SLC7A3: variants seen among roughly 807,000 people sequenced by gnomAD.
The protein encoded by SLC7A3 is solute carrier family 7 member 3.
In SLC7A3, 3 loss-of-function variants were observed where a neutral mutation model predicts 33.2. That is an observed-to-expected ratio of 0.09 (90% CI 0.04 to 0.23). SLC7A3 has a LOEUF of 0.23. Ranked by LOEUF, SLC7A3 falls within the 10% of genes least tolerant of loss-of-function variation. SLC7A3 has a pLI of 1.00. For synonymous variants in SLC7A3, 193 were observed against 195.1 expected, an observed-to-expected ratio of 0.99 and a Z score of 0.09; for missense variants, 360 against 488.8, an observed-to-expected ratio of 0.74 and a Z score of 2.48.
chrX:70,930,078 A>G, intron 1 of SLC7A3, 56 bp from the exon 2 acceptor site: 1 of 1,087,914 alleles, frequency 9.2e-7, no homozygotes, highest in African/African-American at 1.8e-5. Context: ...CTAAACTCTG[A>G]AAGCGAATTA....
In SLC7A3 at chrX:70,928,815, C is replaced by G. The variant is rs1170984501; in HGVS notation, c.529+29G>C. ...GGACTAGCCCCTCCTGGCCCAACCC[C>G]CACCATTATACCCTGCTCTTTGCCT... On this transcript the variant is annotated intron_variant, in intron 3 of 11. Transcript: ENST00000374299. 4 of 1,205,123 alleles carry G rather than the reference C, an allele frequency of 3.3e-6. No homozygotes were observed. The African/African-American group carries it at 5.3e-5, about 16-fold the overall frequency.
At chrX:70,928,067 C>T (rs376983084) in intron 5 of SLC7A3, 47 bp from the exon 6 acceptor site, 2 of 1,184,548 alleles carry the variant, frequency 1.7e-6, no homozygotes, top group Non-Finnish European at 2.3e-6. Flanking sequence ...AGGCCCACTC[C>T]TCTACCACCC....
chrX:70,929,886 C>G lies in SLC7A3; in HGVS notation c.112G>C (p.Val38Leu). ...AATGTGCTGCCCACACCCAGGGCCACTAAATCCAGGGTGCTTAGGCATCTG... is the reference window on the plus strand; with the variant it reads ...AATGTGCTGCCCACACCCAGGGCCAGTAAATCCAGGGTGCTTAGGCATCTG... ...LARCLSTLDL[V>L]ALGVGSTLGA... The change falls in exon 2 of 12, where the codon GTG becomes CTG. Residue 38 changes from valine (V) to leucine (L), a missense_variant. Physicochemically the swap from Val to Leu is conservative, Grantham distance 32. Transcript: ENST00000374299. 8.3e-7 allele frequency: 1 copy of G among 1,212,023 alleles called. No homozygotes were observed. The highest frequency in any genetic ancestry group is 1.1e-6 in the Non-Finnish European group (1 of 895,541).
intron 10 of SLC7A3, 54 bp downstream of exon 10, chrX:70,926,473 G>A (rs1472406007): frequency 4.5e-6 from 5 of 1,115,758 alleles, no homozygotes; most frequent in South Asian, 2.1e-5. Flanking sequence ...CAAGATATCT[G>A]GAGCCTATTC....
intron 1 of SLC7A3, among the ~76,000 whole-genome samples, chrX:70,930,258 GCC>G (rs1444830115): frequency 8.9e-6 from 1 of 112,022 alleles, no homozygotes; most frequent in Non-Finnish European, 1.9e-5. Context: ...GCACGTGAAA[GCC>G]CCCTGAAGTA....
At position 70,927,383 on chromosome X, in the gene SLC7A3, T is replaced by C. The variant is rs146240155; in HGVS notation, c.1185A>G (p.Ala395=). 4 of 1,208,228 alleles carry C rather than the reference T, an allele frequency of 3.3e-6. No homozygotes were observed. In the African/African-American group the frequency reaches 7.0e-5, roughly 21 times the overall value. ...IATVVSGIIA[A]FMAFLFKLTD... ...TGAGTTTGAAGAGGAATGCCATGAA[T>C]GCTAAAATTAATAGGCAGGAAACAA... The change falls in exon 8 of 12, where the codon GCA becomes GCG. Residue 395 remains alanine (A), a splice_region_variant and synonymous_variant. Coordinates refer to ENST00000374299, the MANE Select transcript of SLC7A3 (RefSeq NM_032803.6).
rs766232079 is a variant in SLC7A3 at position 70,925,854 on chromosome X, C to T, written c.1819G>A (p.Val607Ile). The part of the protein sequence containing the change: ...QPSRKSRAKT[V>I]DLDPGTLYVH... ...TAGAGAGTGCCGGGATCAAGGTCTA[C>T]AGTTTTGGCTCTAGACTTGCGTGAG... The change falls in exon 12 of 12, where the codon GTA becomes ATA. Residue 607 changes from valine to isoleucine, a missense_variant. Val to Ile is a conservative substitution (Grantham distance 29). Coordinates refer to ENST00000374299, the MANE Select transcript of SLC7A3 (RefSeq NM_032803.6). 26 of 1,209,234 alleles carry T rather than the reference C, an allele frequency of 2.2e-5. No homozygotes were observed. The East Asian group carries it at 6.8e-4, about 32-fold the overall frequency.
intron 3 of SLC7A3, 50 bp from the exon 4 acceptor site, chrX:70,928,683 T>C (rs1441577080): frequency 1.7e-6 from 2 of 1,143,127 alleles, no homozygotes. Flanking sequence ...AGTCCAAGCT[T>C]TGTTTCCCTG....
In SLC7A3 at chrX:70,926,688, G is replaced by A; in HGVS notation, c.1459C>T (p.Leu487=). The part of the protein sequence containing the change: ...VYVCSSLLAV[L]LTALCLVLAQ... ...AGCACCAGGCAAAGAGCAGTCAGCA[G>A]GACAGCTTCAAAGGTCAAGTTGAGA... Residue 487 remains leucine, a synonymous_variant, in exon 10 of 12, where the codon CTG becomes TTG. Coordinates refer to ENST00000374299, the MANE Select transcript of SLC7A3 (RefSeq NM_032803.6). 8.4e-7 allele frequency: 1 copy of A among 1,185,378 alleles called. No homozygotes were observed. Among genetic ancestry groups the A allele is most frequent in the Non-Finnish European group, 1.1e-6 (1 of 883,110 alleles).
chrX:70,927,209 G>C (rs1202020036), intron 8 of SLC7A3, 73 bp downstream of exon 8: 1 of 1,097,501 alleles, frequency 9.1e-7, no homozygotes, highest in East Asian at 3.0e-5. Context: ...AAGGAGGAAA[G>C]AGGAGCAGAT....
chrX:70,929,252 G>A (rs759003890), intron 2 of SLC7A3, among the ~76,000 whole-genome samples: 2 of 111,387 alleles, frequency 1.8e-5, no homozygotes, highest in Non-Finnish European at 3.8e-5. Flanking sequence ...CACCCTGCGC[G>A]GCTAACTTTT....
At position 70,928,497 on chromosome X, in the gene SLC7A3, C is replaced by G. The variant is rs1246756645; in HGVS notation, c.666G>C (p.Glu222Asp). ...GTTCAGCCATGGCCAATTCGTAGTCCTCTTCTGTGAGCTTCCAGTTGTGCA... is the reference window on the plus strand; with the variant it reads ...GTTCAGCCATGGCCAATTCGTAGTCGTCTTCTGTGAGCTTCCAGTTGTGCA... ...GDVHNWKLTE[E>D]DYELAMAELN... Residue 222 changes from glutamate (E) to aspartate (D), a missense_variant, in exon 4 of 12, where the codon GAG (glutamate) becomes GAC (aspartate). Coordinates refer to ENST00000374299, the MANE Select transcript of SLC7A3 (RefSeq NM_032803.6). 8.3e-7 allele frequency: 1 copy of G among 1,205,518 alleles called. No individual in the cohort carries two copies. The highest frequency in any genetic ancestry group is 3.0e-5 in the East Asian group (1 of 33,686).
chrX:70,927,548 A>G lies in SLC7A3; in HGVS notation c.1119T>C (p.Leu373=), dbSNP rs201211988. 3 of 1,208,858 alleles carry G rather than the reference A, an allele frequency of 2.5e-6. No individual in the cohort carries two copies. The highest frequency in any genetic ancestry group is 3.4e-6 in the Non-Finnish European group (3 of 894,817). Reference sequence around the variant, plus strand: ...TGCGTGTGCCGGTGTGGATCCGAGCAAGTACACGGAACAGGAGGCCATCCT... The same window carrying G: ...TGCGTGTGCCGGTGTGGATCCGAGCGAGTACACGGAACAGGAGGCCATCCT... ...MAEDGLLFRV[L]ARIHTGTRTP... Residue 373 remains leucine (L), a synonymous_variant, in exon 7 of 12, where the codon CTT becomes CTC. Transcript: ENST00000374299.
rs767931807 is a variant in SLC7A3, at chrX:70,926,590, G to A, written c.1557C>T (p.Leu519=). The A allele has an allele frequency of 8.4e-7, 1 of 1,193,798 alleles. No individual in the cohort carries two copies. The highest frequency in any genetic ancestry group is 1.8e-5 in the African/African-American group (1 of 56,643). ...AGATGACCACAATGATCCCAATAAT[G>A]AGCAGCAGGAGCAGCACAACCACTG... is the stretch of plus-strand genomic sequence containing the variant. The part of the protein sequence containing the change: ...WTAVVVLLLL[L]IIGIIVVIWR... Residue 519 remains leucine (L), a synonymous_variant, in exon 10 of 12, where the codon CTC becomes CTT. Coordinates refer to ENST00000374299, the MANE Select transcript of SLC7A3 (RefSeq NM_032803.6).
chrX:70,926,826 C>A (rs1308451022), intron 9 of SLC7A3, 49 bp downstream of exon 9: 1 of 1,187,417 alleles, frequency 8.4e-7, no homozygotes, highest in Non-Finnish European at 1.1e-6. Context: ...CACACTTCGA[C>A]CCAATCACGC....
rs942987845 is a variant in SLC7A3, at chrX:70,930,969, A to C, written c.-26+8T>G. 1.8e-5 allele frequency: 2 copies of C among 110,263 alleles called. No individual in the cohort carries two copies. The highest frequency in any genetic ancestry group is 3.8e-5 in the Non-Finnish European group (2 of 52,725). 9.1% of individuals were successfully genotyped at this position (110,263 alleles called of 1,213,427 possible). ...CCTCCGACACACGTGTGGGTCCCCAACGCTTACCAGAGAGCTGTTGCAAAC... is the reference window on the plus strand; with the variant it reads ...CCTCCGACACACGTGTGGGTCCCCACCGCTTACCAGAGAGCTGTTGCAAAC... On this transcript the variant is annotated splice_region_variant and intron_variant, in intron 1 of 11. Coordinates refer to ENST00000374299, the MANE Select transcript of SLC7A3 (RefSeq NM_032803.6).
intron 2 of SLC7A3, 143 bp downstream of exon 2, chrX:70,929,485 C>T (rs759068595): frequency 1.7e-6 from 1 of 577,016 alleles, no homozygotes; most frequent in Non-Finnish European, 2.4e-6. Flanking sequence ...CCTTCAACAC[C>T]CCCCCCCAGA....
Position 70,926,651 on chromosome X carries a change from G to A in SLC7A3, c.1496C>T (p.Ser499Leu). 1 of 1,192,496 alleles carries A rather than the reference G, an allele frequency of 8.4e-7. No homozygotes were observed. ...TALCLVLAQW[S>L]VPLLSGDLLW... ...CAGGTCTCCAGAAAGCAATGGAACT[G>A]ACCACTGGGCCAGCACCAGGCAAAG... The change falls in exon 10 of 12, where the codon TCA becomes TTA. Residue 499 changes from serine to leucine, a missense_variant. Ser to Leu is a moderately radical substitution (Grantham distance 145). Transcript: ENST00000374299.
chrX:70,929,492 C>G lies in SLC7A3; in HGVS notation c.370+136G>C, dbSNP rs763660424. The G allele has an allele frequency of 7.7e-6, 6 of 777,837 alleles. No homozygotes were observed. The South Asian group carries it at 9.7e-5, about 13-fold the overall frequency. 64.1% of individuals were successfully genotyped at this position (777,837 alleles called of 1,213,427 possible). On this transcript the variant is annotated intron_variant, in intron 2 of 11. Coordinates refer to ENST00000374299, the MANE Select transcript of SLC7A3 (RefSeq NM_032803.6). ...TCTCCACACCTTCAACACCCCCCCCCAGACCCCCAGCAAACCCGCACATTT... is the reference window on the plus strand; with the variant it reads ...TCTCCACACCTTCAACACCCCCCCCGAGACCCCCAGCAAACCCGCACATTT...
Sources: allele counts gnomAD v4.1 joint callset (sites outside exome capture counted in the v4.1 genomes callset), GRCh38; gene constraint gnomAD v4.1.1; transcripts MANE v1.5; gene names NCBI Gene and HGNC (gene_info 2026-07-23, HGNC 2026-07-21).